Variants in FAM124B observed in about 807,000 individuals in gnomAD.
FAM124B encodes protein FAM124B.
In FAM124B, 18 loss-of-function variants were observed where a neutral mutation model predicts 19.7. That is an observed-to-expected ratio of 0.92 (90% CI 0.63 to 1.36). FAM124B has a LOEUF of 1.36. FAM124B is among the 40% of genes most tolerant of loss of function. The probability of loss-of-function intolerance (pLI) is 0.00; values close to 1 mark genes in which losing one functional copy is unlikely to be tolerated. For synonymous variants in FAM124B, 223 were observed against 225.2 expected (o/e 0.99, Z 0.09); for missense variants, 540 against 553.3 (o/e 0.98, Z 0.24).
At chr2:224,395,883 T>C (rs759040105) in intron 1 of FAM124B, among the ~76,000 whole-genome samples, 5 of 152,178 alleles carry the variant, frequency 3.3e-5, no homozygotes, top group Admixed American at 6.5e-5. Context: ...TGCACCGCAG[T>C]TACATGGTCT....
At chr2:224,390,701 T>C (rs767362488) in intron 1 of FAM124B, among the ~76,000 whole-genome samples, 51 of 89,080 alleles carry the variant, frequency 5.7e-4, no homozygotes, top group Non-Finnish European at 1.1e-3. Flanking sequence ...AACTTTTTTT[T>C]TTGTTTGTTT....
chr2:224,388,343 C>A (rs1484612683), intron 1 of FAM124B, among the ~76,000 whole-genome samples: 2 of 152,162 alleles, frequency 1.3e-5, no homozygotes, highest in Non-Finnish European at 2.9e-5. Flanking sequence ...AGGAATAGTT[C>A]AGGCAATGCA....
At chr2:224,390,693 C>CTTT (rs201913240) in intron 1 of FAM124B, among the ~76,000 whole-genome samples, 1 of 123,390 alleles carries the variant, frequency 8.1e-6, no homozygotes, top group African/African-American at 3.3e-5. Context: ...TGTCAACAAA[C>CTTT]TTTTTTTTTT....
Position 224,401,910 on chromosome 2 carries a change from A to C in FAM124B, c.-142T>G. 2 of 972,932 alleles carry C rather than the reference A, an allele frequency of 2.1e-6. No homozygotes were observed. The highest frequency in any genetic ancestry group is 3.5e-5 in the South Asian group (2 of 56,388). 60.3% of individuals were successfully genotyped at this position (972,932 alleles called of 1,614,324 possible). ...GCGGCTACTTCTGAGCAGAGCTCTT[A>C]ACCAGACTAACACGTGCTCCTGGCC... On this transcript the variant is annotated 5_prime_UTR_variant, in exon 1 of 2. Transcript: ENST00000409685.
Position 224,401,955 on chromosome 2 carries a change from G to A in FAM124B, c.-187C>T. 1 of 630,724 alleles carries A rather than the reference G, an allele frequency of 1.6e-6. No homozygotes were observed. The highest frequency in any genetic ancestry group is 3.0e-5 in the Admixed American group (1 of 33,546). The allele number at this position is 630,724 out of a possible 1,614,324, so 39.1% of individuals were successfully genotyped here. The stretch of plus-strand genomic sequence containing the variant: ...CTGGCCACCCGTGGACTTACGGCAA[G>A]AGAAGCTCACACCAGCTCGGGTTCA... On this transcript the variant is annotated 5_prime_UTR_variant, in exon 1 of 2. Transcript: ENST00000409685.
chr2:224,394,060 C>A (rs1009635315), intron 1 of FAM124B, among the ~76,000 whole-genome samples: 1 of 152,154 alleles, frequency 6.6e-6, no homozygotes, highest in Non-Finnish European at 1.5e-5. Context: ...GGACTGAAAG[C>A]CACCAAGCGA....
intron 1 of FAM124B, among the ~76,000 whole-genome samples, chr2:224,387,549 A>G (rs35500370): frequency 0.09 from 13,687 of 152,274 alleles, 853 homozygotes; most frequent in East Asian, 0.23. Context: ...GACTTTTGCA[A>G]TTAACTGATC....
chr2:224,381,980 A>ACACT (rs1689727130), intron 1 of FAM124B, among the ~76,000 whole-genome samples: 1 of 152,200 alleles, frequency 6.6e-6, no homozygotes, highest in Admixed American at 6.5e-5. Context: ...ACACACACAC[A>ACACT]CACTCACACA....
intron 1 of FAM124B, among the ~76,000 whole-genome samples, chr2:224,381,311 G>C (rs931276386): frequency 5.9e-5 from 9 of 152,022 alleles, no homozygotes; most frequent in Non-Finnish European, 1.0e-4. Context: ...AAAAACATCA[G>C]CCAGACGTGT....
At position 224,379,790 on chromosome 2, in the gene FAM124B, C is replaced by T; in HGVS notation, c.1151G>A (p.Arg384Lys). 1 of 1,551,702 alleles carries T rather than the reference C, an allele frequency of 6.4e-7. No individual in the cohort carries two copies. Among genetic ancestry groups the T allele is most frequent in the Non-Finnish European group, 8.7e-7 (1 of 1,147,002 alleles). ...PRQTYFGGFP[R>K]DLQTSQPPFC... is the part of the protein sequence containing the mutation. The stretch of plus-strand genomic sequence containing the variant: ...TGGTGGCTGGCTGGTCTGTAAATCC[C>T]TTGGAAATCCGCCAAAATAAGTCTG... Residue 384 changes from arginine to lysine, a missense_variant, in exon 2 of 2, where the codon AGG becomes AAG. Transcript: ENST00000409685.
Position 224,395,459 on chromosome 2 carries a change from C to T in FAM124B, c.732+5578G>A, listed in dbSNP as rs1234652057. Among the ~76,000 whole-genome samples the T allele has an allele frequency of 2.6e-5, 4 of 152,200 alleles. No homozygotes were observed. The East Asian group carries it at 7.7e-4, about 29-fold the overall frequency. On this transcript the variant is annotated intron_variant, in intron 1 of 1. Coordinates refer to ENST00000409685, the MANE Select transcript of FAM124B (RefSeq NM_001122779.2). ...GGACATCATCACCCATGCTACCTTC[C>T]CCCAGAACACACTGACACTGTCACT...
chr2:224,385,432 T>A (rs1388404263), intron 1 of FAM124B, among the ~76,000 whole-genome samples: 1 of 152,234 alleles, frequency 6.6e-6, no homozygotes, highest in Non-Finnish European at 1.5e-5. Flanking sequence ...GTTTATTTAA[T>A]GTTGTCATTC....
chr2:224,380,343 G>T (rs980910398), intron 1 of FAM124B, 135 bp from the exon 2 acceptor site: 4 of 735,418 alleles, frequency 5.4e-6, no homozygotes, highest in Admixed American at 5.9e-5. Context: ...GAATTGAATA[G>T]AAGTGATAAG....
chr2:224,379,880 A>C lies in FAM124B; in HGVS notation c.1061T>G (p.Phe354Cys). 1 of 1,552,054 alleles carries C rather than the reference A, an allele frequency of 6.4e-7. No individual in the cohort carries two copies. The highest frequency in any genetic ancestry group is 8.7e-7 in the Non-Finnish European group (1 of 1,147,098). The change falls in exon 2 of 2, where the codon TTT (phenylalanine) becomes TGT (cysteine). Residue 354 changes from phenylalanine to cysteine, a missense_variant. Physicochemically the swap from Phe to Cys is radical, Grantham distance 205. Coordinates refer to ENST00000409685, the MANE Select transcript of FAM124B (RefSeq NM_001122779.2). ...ATTCGTCTCGGCCTCAAGCTTCTGA[A>C]AGCTGTTTTCCCGGTTGAGGACCTT... ...RMKVLNRENSFQKLEAETNVD... is the reference protein window; with the variant it reads ...RMKVLNRENSCQKLEAETNVD...
intron 1 of FAM124B, among the ~76,000 whole-genome samples, chr2:224,393,767 C>T (rs1250537630): frequency 2.6e-5 from 4 of 152,204 alleles, no homozygotes; most frequent in Non-Finnish European, 4.4e-5. Context: ...GTAAGTTATT[C>T]TTCTGGCCTA....
Position 224,401,164 on chromosome 2 carries a change from G to A in FAM124B, c.605C>T (p.Ser202Phe), listed in dbSNP as rs200639231. Residue 202 changes from serine (S) to phenylalanine (F), a missense_variant, in exon 1 of 2, where the codon TCT becomes TTT. Ser to Phe is a radical substitution (Grantham distance 155). Transcript: ENST00000409685. Reference sequence around the variant, plus strand: ...TTGAACCTTAAACTGCAGCACCGAAGACTCTTTGGGGTCCACTGACATTCC... The same window carrying A: ...TTGAACCTTAAACTGCAGCACCGAAAACTCTTTGGGGTCCACTGACATTCC... ...PPGMSVDPKESSVLQFKVQEI... is the reference protein window; with the variant it reads ...PPGMSVDPKEFSVLQFKVQEI... 113 of 1,614,180 alleles carry A rather than the reference G, an allele frequency of 7.0e-5. No individual in the cohort carries two copies. The East Asian group carries it at 1.8e-3, about 26-fold the overall frequency.
intron 1 of FAM124B, among the ~76,000 whole-genome samples, chr2:224,394,837 G>C (rs1309736086): frequency 6.6e-6 from 1 of 152,114 alleles, no homozygotes; most frequent in African/African-American, 2.4e-5. Context: ...TACACACAAG[G>C]TGGGTGGCTG....
At chr2:224,389,645 C>A (rs748969413) in intron 1 of FAM124B, among the ~76,000 whole-genome samples, 1 of 151,982 alleles carries the variant, frequency 6.6e-6, no homozygotes, top group African/African-American at 2.4e-5. Context: ...AGGAGGGCTG[C>A]AGATGATGAC....
chr2:224,400,344 G>GAAATA, intron 1 of FAM124B: 2 of 624,558 alleles, frequency 3.2e-6, no homozygotes, highest in Non-Finnish European at 5.8e-6. Context: ...CCCGTCTCTA[G>GAAATA]AAATAAAATA....
Sources: gnomAD v4.1 joint callset for allele counts (sites outside exome capture counted in the v4.1 genomes callset) on GRCh38, gnomAD v4.1.1 for gene constraint, MANE v1.5 for transcripts, NCBI Gene and HGNC (gene_info 2026-07-23, HGNC 2026-07-21) for gene names.